GRID2: variants seen among roughly 807,000 people sequenced by gnomAD.
GRID2 encodes glutamate receptor ionotropic, delta-2.
Under a neutral mutation model 114.8 loss-of-function variants are expected in GRID2, and 33 were observed. The observed-to-expected ratio is 0.29, with a 90% CI of 0.22 to 0.38. The LOEUF (loss-of-function observed/expected upper bound fraction) is 0.38. Ranked by LOEUF, GRID2 falls within the 10% of genes least tolerant of loss-of-function variation. The pLI is 1.00. For synonymous variants in GRID2, 505 were observed against 449.9 expected (o/e 1.12, Z -1.55); for missense variants, 1,184 against 1,257.7 (o/e 0.94, Z 0.89).
chr4:93,428,724 CTA>C (rs568836840), intron 10 of GRID2, among the ~76,000 whole-genome samples: 27 of 152,052 alleles, frequency 1.8e-4, no homozygotes, highest in Non-Finnish European at 3.1e-4. Flanking sequence ...GGTCAAATCA[CTA>C]TGATATTTAG....
intron 14 of GRID2, among the ~76,000 whole-genome samples, chr4:93,755,930 C>T (rs182259077): frequency 3.3e-5 from 5 of 152,234 alleles, no homozygotes; most frequent in African/African-American, 1.2e-4. Flanking sequence ...ATGTTCACAA[C>T]ACAGGAGTTA....
chr4:92,758,934 C>T (rs1383389940), intron 2 of GRID2, among the ~76,000 whole-genome samples: 1 of 152,114 alleles, frequency 6.6e-6, no homozygotes. Context: ...AATTTTGTAA[C>T]TTCTTTCTGC....
At chr4:92,704,711 C>T (rs1352881758) in intron 2 of GRID2, among the ~76,000 whole-genome samples, 2 of 147,478 alleles carry the variant, frequency 1.4e-5, no homozygotes, top group African/African-American at 5.0e-5. Flanking sequence ...ATCTCTCTCT[C>T]TCTCTCTCTC....
rs376795562 is a variant in GRID2 at position 93,041,933 on chromosome 4, C to T, written c.245-43062C>T. On this transcript the variant is annotated intron_variant, in intron 2 of 15. Transcript: ENST00000282020. ...TTGCTTGTTTTTTGAGACATAGTCT[C>T]TCTGTGTCACCCAGGCTGGAGTGCA... Among the ~76,000 whole-genome samples, 6 of 152,038 alleles carry T rather than the reference C, an allele frequency of 3.9e-5. No homozygotes were observed. The East Asian group carries it at 5.8e-4, about 15-fold the overall frequency.
intron 2 of GRID2, among the ~76,000 whole-genome samples, chr4:92,898,556 C>T (rs988272534): frequency 2.0e-5 from 3 of 152,128 alleles, no homozygotes; most frequent in African/African-American, 7.2e-5. Context: ...TGTGAAATTA[C>T]ACTGCTTTGC....
chr4:93,473,197 A>G (rs1298974075), intron 11 of GRID2, among the ~76,000 whole-genome samples: 1 of 151,998 alleles, frequency 6.6e-6, no homozygotes, highest in Non-Finnish European at 1.5e-5. Context: ...CTTTTATTAT[A>G]TGTTTATACA....
intron 8 of GRID2, among the ~76,000 whole-genome samples, chr4:93,245,244 C>T (rs947383997): frequency 6.6e-6 from 1 of 152,012 alleles, no homozygotes; most frequent in Non-Finnish European, 1.5e-5. Context: ...CTAATGAATA[C>T]ATGTGCATAC....
intron 5 of GRID2, among the ~76,000 whole-genome samples, chr4:93,213,310 G>A (rs1024822801): frequency 2.6e-5 from 4 of 151,968 alleles, no homozygotes; most frequent in Non-Finnish European, 5.9e-5. Context: ...GCATCAAAGG[G>A]TCATCTTTGC....
chr4:93,742,981 T>A (rs1289673383), intron 14 of GRID2, among the ~76,000 whole-genome samples: 1 of 152,188 alleles, frequency 6.6e-6, no homozygotes, highest in African/African-American at 2.4e-5. Context: ...CAAAAGTTAG[T>A]TGTCTTGTGC....
At chr4:93,050,648 A>G (rs1055538794) in intron 2 of GRID2, among the ~76,000 whole-genome samples, 5 of 152,022 alleles carry the variant, frequency 3.3e-5, no homozygotes, top group Admixed American at 6.6e-5. Context: ...GTTCATTTTT[A>G]GATATTTACA....
At chr4:93,664,013 G>A (rs554126904) in intron 14 of GRID2, among the ~76,000 whole-genome samples, 117 of 152,262 alleles carry the variant, frequency 7.7e-4, no homozygotes, top group Non-Finnish European at 1.4e-3. Context: ...ATGAGTTGTG[G>A]ATCAGGACTT....
intron 4 of GRID2, among the ~76,000 whole-genome samples, chr4:93,114,856 C>T (rs556286953): frequency 6.6e-6 from 1 of 152,058 alleles, no homozygotes; most frequent in Non-Finnish European, 1.5e-5. Context: ...TTCACTCAGT[C>T]TAGTGGAAGA....
chr4:93,757,648 A>AT (rs1373999475), intron 14 of GRID2, among the ~76,000 whole-genome samples: 6 of 152,070 alleles, frequency 3.9e-5, no homozygotes, highest in Admixed American at 6.6e-5. Context: ...CAGTTTTGGG[A>AT]TTTTTTCCTC....
At chr4:93,347,732 G>T (rs1208246394) in intron 8 of GRID2, among the ~76,000 whole-genome samples, 1 of 152,046 alleles carries the variant, frequency 6.6e-6, no homozygotes, top group Non-Finnish European at 1.5e-5. Flanking sequence ...TACATATGGG[G>T]AAACTGAGGT....
rs1318572546 is a variant in GRID2, at chr4:92,522,152, C to A, written c.89-67979C>A. Among the ~76,000 whole-genome samples, 3 of 151,534 alleles carry A rather than the reference C, an allele frequency of 2.0e-5. No homozygotes were observed. In the East Asian group the frequency reaches 5.9e-4, roughly 30 times the overall value. ...AGAGAAGGTGATATATGAGCGAATT[C>A]CTGAAGAAGATGAGGGAGATAGCCA... On this transcript the variant is annotated intron_variant, in intron 1 of 15. Transcript: ENST00000282020.
intron 4 of GRID2, among the ~76,000 whole-genome samples, chr4:93,149,280 G>T (rs1027586936): frequency 2.3e-4 from 35 of 152,184 alleles, no homozygotes; most frequent in African/African-American, 8.2e-4. Context: ...TGTCTTATAA[G>T]TAACAACCTG....
intron 8 of GRID2, among the ~76,000 whole-genome samples, chr4:93,328,120 A>G (rs949443831): frequency 8.0e-6 from 1 of 125,040 alleles, no homozygotes; most frequent in Non-Finnish European, 1.7e-5. Context: ...TCCGTCTCAA[A>G]AACAAAAACA....
At chr4:93,552,028 C>A (rs1269713100) in intron 13 of GRID2, among the ~76,000 whole-genome samples, 1 of 123,426 alleles carries the variant, frequency 8.1e-6, no homozygotes, top group African/African-American at 3.0e-5. Context: ...TATCCCTCCC[C>A]CCTCCCCCAC....
chr4:92,374,751 T>C (rs1729276338), intron 1 of GRID2, among the ~76,000 whole-genome samples: 1 of 152,150 alleles, frequency 6.6e-6, no homozygotes, highest in Non-Finnish European at 1.5e-5. Context: ...TTGGAGTTAT[T>C]CTACAAGCAC....
Sources: gnomAD v4.1 joint callset for allele counts (sites outside exome capture counted in the v4.1 genomes callset) on GRCh38, gnomAD v4.1.1 for gene constraint, MANE v1.5 for transcripts, NCBI Gene and HGNC (gene_info 2026-07-23, HGNC 2026-07-21) for gene names.